The following SND1 variants were observed in gnomAD, a reference collection of about 807,000 sequenced individuals.
SND1 encodes staphylococcal nuclease and tudor domain containing 1.
In SND1, 38 loss-of-function variants were observed where a neutral mutation model predicts 121.7. The ratio of observed to expected loss-of-function variants is 0.31; its 90% confidence interval spans 0.24 to 0.41. SND1 has a LOEUF of 0.41. Among genes scored for constraint, SND1 ranks in the 10% least tolerant of loss-of-function variants. SND1 has a pLI of 1.00. For missense variants in SND1, 868 were observed against 1,184.6 expected (o/e 0.73, Z 3.92); for synonymous variants, 401 against 447.4 (o/e 0.90, Z 1.31).
At chr7:127,915,179 A>G (rs1800548358) in intron 14 of SND1, among the ~76,000 whole-genome samples, 1 of 152,022 alleles carries the variant, frequency 6.6e-6, no homozygotes, top group Non-Finnish European at 1.5e-5. Flanking sequence ...ACGCCAGGCT[A>G]ATTTTTTATT....
intron 15 of SND1, among the ~76,000 whole-genome samples, chr7:127,990,659 C>T (rs1202085564): frequency 2.6e-5 from 4 of 152,140 alleles, no homozygotes; most frequent in Non-Finnish European, 4.4e-5. Context: ...AGTTCCTGCT[C>T]ATCTTACTTG....
At chr7:127,759,093 G>GATAGATAGATAT (rs1563003248) in intron 10 of SND1, among the ~76,000 whole-genome samples, 2 of 152,100 alleles carry the variant, frequency 1.3e-5, no homozygotes, top group Non-Finnish European at 2.9e-5. Flanking sequence ...TAGATAGATA[G>GATAGATAGATAT]ATAGATAGGC....
chr7:127,945,512 T>A (rs1358709474), intron 15 of SND1, among the ~76,000 whole-genome samples: 2 of 152,008 alleles, frequency 1.3e-5, no homozygotes, highest in African/African-American at 4.8e-5. Flanking sequence ...AATTTTTTTT[T>A]AGAAAGCAAA....
At chr7:128,020,528 C>G (rs1387967962) in intron 16 of SND1, among the ~76,000 whole-genome samples, 4 of 152,202 alleles carry the variant, frequency 2.6e-5, no homozygotes, top group African/African-American at 9.7e-5. Flanking sequence ...TGTGAGGGTT[C>G]AACTAGATTT....
chr7:128,092,020 C>T lies in SND1; in HGVS notation c.2695C>T (p.Arg899Ter). The T allele has an allele frequency of 6.2e-7, 1 of 1,614,072 alleles. No individual in the cohort carries two copies. The change falls in exon 24 of 24, where the codon CGA becomes TGA. Residue 899 changes from arginine to a stop codon, truncating the protein, a stop_gained. Coordinates refer to ENST00000354725, the MANE Select transcript of SND1 (RefSeq NM_014390.4). LOFTEE classifies it high-confidence loss of function. This position sits in a 1 kb window ranked among gnomAD's most constrained non-coding sequence, Gnocchi z 4.9. ...GAACCTGTGGCGCTATGGAGACTTT[C>T]GAGCTGATGATGCAGACGAATTTGG... ...RLNLWRYGDF[R>*]ADDADEFGYS... is the part of the protein sequence containing the mutation.
intron 10 of SND1, among the ~76,000 whole-genome samples, chr7:127,748,972 C>A (rs1214024913): frequency 6.6e-6 from 1 of 151,686 alleles, no homozygotes; most frequent in Non-Finnish European, 1.5e-5. Flanking sequence ...GTGCACCCCC[C>A]ATGAAGTCAG....
chr7:127,807,386 G>A (rs1798255817), intron 10 of SND1, 98 bp from the exon 11 acceptor site: 2 of 908,800 alleles, frequency 2.2e-6, no homozygotes, highest in Non-Finnish European at 3.5e-6. Context: ...GCGATACTAA[G>A]AGATAACCAA....
intron 10 of SND1, among the ~76,000 whole-genome samples, chr7:127,744,354 A>G (rs1461949395): frequency 6.6e-6 from 1 of 152,078 alleles, no homozygotes; most frequent in Non-Finnish European, 1.5e-5. Flanking sequence ...GTGTATATAT[A>G]CTGTGACTGT....
At chr7:128,077,210 G>A (rs1793520401) in intron 17 of SND1, among the ~76,000 whole-genome samples, 1 of 152,236 alleles carries the variant, frequency 6.6e-6, no homozygotes, top group African/African-American at 2.4e-5. Flanking sequence ...AAGCAGCAAT[G>A]TTAAACAGGA....
chr7:128,031,060 G>A (rs1228767361), intron 16 of SND1: 4 of 150,648 alleles, frequency 2.7e-5, no homozygotes, highest in South Asian at 2.1e-4. Flanking sequence ...GAGGGGAGGG[G>A]AGGGGAGGGA....
intron 1 of SND1, chr7:127,679,257 G>C (rs568488485): frequency 6.6e-6 from 1 of 152,106 alleles, no homozygotes; most frequent in African/African-American, 2.4e-5. Flanking sequence ...ACTTATAGCC[G>C]CTTCTGGGGT....
At chr7:127,664,362 G>C (rs1417091104) in intron 1 of SND1, among the ~76,000 whole-genome samples, 1 of 152,214 alleles carries the variant, frequency 6.6e-6, no homozygotes. Flanking sequence ...TAGAGATCGA[G>C]TTCAATCACT....
chr7:127,874,513 C>T lies in SND1; in HGVS notation c.1344-13389C>T, dbSNP rs149541960. 5.2e-3 allele frequency among the ~76,000 whole-genome samples: 790 copies of T among 152,128 alleles called. 6 individuals are homozygous for T. Among genetic ancestry groups the T allele is most frequent in the African/African-American group, 0.018 (735 of 41,480 alleles). On this transcript the variant is annotated intron_variant, in intron 12 of 23. Coordinates refer to ENST00000354725, the MANE Select transcript of SND1 (RefSeq NM_014390.4). ...TACACAAACTCTCAATTCCTACTCCCGCCATCAATGACTTGAGAGAAGCTG... is the reference window on the plus strand; with the variant it reads ...TACACAAACTCTCAATTCCTACTCCTGCCATCAATGACTTGAGAGAAGCTG...
chr7:127,975,335 G>A (rs911588402), intron 15 of SND1, among the ~76,000 whole-genome samples: 5 of 152,038 alleles, frequency 3.3e-5, no homozygotes, highest in Admixed American at 6.6e-5. Flanking sequence ...ATGTGTGGGC[G>A]CGCGCGCATG....
chr7:127,982,896 G>C (rs1469568012), intron 15 of SND1, among the ~76,000 whole-genome samples: 1 of 152,144 alleles, frequency 6.6e-6, no homozygotes, highest in Non-Finnish European at 1.5e-5. Flanking sequence ...AACTGATTTG[G>C]CTTTGTATGT....
chr7:128,081,319 C>G (rs773629386), intron 17 of SND1, 41 bp from the exon 18 acceptor site: 2 of 1,611,536 alleles, frequency 1.2e-6, no homozygotes, highest in Admixed American at 1.7e-5. Context: ...TATGACTTCA[C>G]TTCCTCGCCC....
At chr7:127,994,214 A>G (rs1423008999) in intron 16 of SND1, among the ~76,000 whole-genome samples, 5 of 152,220 alleles carry the variant, frequency 3.3e-5, no homozygotes. Flanking sequence ...TTTGTTTTAC[A>G]CTGACGCTAG....
chr7:127,780,578 AAT>A (rs57260966), intron 10 of SND1, among the ~76,000 whole-genome samples: 49,762 of 151,938 alleles, frequency 0.33, 9,010 homozygotes, highest in Admixed American at 0.42. Flanking sequence ...TTGGACTTAG[AAT>A]CACCTGCCTC....
At chr7:128,077,863 C>G (rs1793532366) in intron 17 of SND1, among the ~76,000 whole-genome samples, 1 of 152,240 alleles carries the variant, frequency 6.6e-6, no homozygotes, top group Non-Finnish European at 1.5e-5. Flanking sequence ...CTCCATCTTT[C>G]AAGAGGCTGG....
Sources: gnomAD v4.1 joint callset for allele counts (sites outside exome capture counted in the v4.1 genomes callset) on GRCh38, gnomAD v4.1.1 for gene constraint, Gnocchi (gnomAD v3.1) non-coding constraint, MANE v1.5 for transcripts, NCBI Gene and HGNC (gene_info 2026-07-23, HGNC 2026-07-21) for gene names.